The following DHX32 variants were observed in gnomAD, a reference collection of about 807,000 sequenced individuals.
DHX32 encodes putative pre-mRNA-splicing factor ATP-dependent RNA helicase DHX32.
Under a neutral mutation model 70.0 loss-of-function variants are expected in DHX32, and 51 were observed. The observed-to-expected ratio is 0.73, with a 90% confidence interval of 0.58 to 0.92. The LOEUF (loss-of-function observed/expected upper bound fraction) is 0.92. Among genes scored for constraint, DHX32 ranks in the 40% least tolerant of loss-of-function variants. The pLI, the probability that DHX32 is intolerant of heterozygous loss-of-function variation, is 0.00. For missense variants in DHX32, 762 were observed against 891.8 expected, an observed-to-expected ratio of 0.85 and a Z score of 1.85; for synonymous variants, 310 against 315.3, an observed-to-expected ratio of 0.98 and a Z score of 0.18.
At chr10:125,873,215 TTC>T (rs1177712791) in intron 1 of DHX32, among the ~76,000 whole-genome samples, 6 of 152,066 alleles carry the variant, frequency 3.9e-5, no homozygotes, top group Non-Finnish European at 7.4e-5. Context: ...GTGTAGAACT[TTC>T]TGTCCTTTCC....
At chr10:125,847,427 T>A (rs2366045) in intron 6 of DHX32, among the ~76,000 whole-genome samples, 149,817 of 152,332 alleles carry the variant, frequency 0.98, 73,687 homozygotes, top group East Asian at 1. Context: ...AACAGAGTGC[T>A]TCCAGAGTGC....
At chr10:125,852,702 G>GA in intron 4 of DHX32, 60 bp from the exon 5 acceptor site, 2 of 1,448,554 alleles carry the variant, frequency 1.4e-6, no homozygotes, top group Non-Finnish European at 1.9e-6. Flanking sequence ...TAGGCTCACT[G>GA]ATCCTGAAGA....
intron 6 of DHX32, among the ~76,000 whole-genome samples, chr10:125,847,664 T>C (rs575969908): frequency 1.3e-5 from 2 of 152,318 alleles, no homozygotes; most frequent in East Asian, 3.9e-4. Flanking sequence ...TTTTTATTAT[T>C]ATTACATTGT....
Position 125,842,758 on chromosome 10 carries a change from C to A in DHX32, c.1352-824G>T, listed in dbSNP as rs1854916622. On this transcript the variant is annotated intron_variant, in intron 6 of 10. Coordinates refer to ENST00000284690, the MANE Select transcript of DHX32 (RefSeq NM_018180.3). The stretch of plus-strand genomic sequence containing the variant: ...GATCTCAGATGCTAGAAATAGTAGA[C>A]AAAGATGTTATTTCCCAGTGCAAAT... 3 of 904,010 alleles carry A rather than the reference C, an allele frequency of 3.3e-6. No homozygotes were observed. The South Asian group carries it at 1.5e-4, about 46-fold the overall frequency. The allele number at this position is 904,010 out of a possible 1,614,324, so 56.0% of individuals were successfully genotyped here.
chr10:125,848,512 T>G (rs1316453942), intron 6 of DHX32, among the ~76,000 whole-genome samples: 1 of 152,188 alleles, frequency 6.6e-6, no homozygotes, highest in Non-Finnish European at 1.5e-5. Context: ...GTTTTGAACT[T>G]GGGCCTTCCA....
chr10:125,867,655 G>A (rs926623743), intron 1 of DHX32, among the ~76,000 whole-genome samples: 4 of 149,474 alleles, frequency 2.7e-5, no homozygotes, highest in Non-Finnish European at 5.9e-5. Context: ...AGAATGGCGT[G>A]AACCCGGGAG....
chr10:125,859,032 T>G (rs1453897674), intron 3 of DHX32, among the ~76,000 whole-genome samples: 1 of 143,610 alleles, frequency 7.0e-6, no homozygotes, highest in African/African-American at 2.7e-5. Context: ...TTTTTTTTTT[T>G]GTTTGTTTGT....
intron 1 of DHX32, among the ~76,000 whole-genome samples, chr10:125,880,183 A>G (rs1404321034): frequency 6.6e-6 from 1 of 152,226 alleles, no homozygotes; most frequent in African/African-American, 2.4e-5. Flanking sequence ...GAAACAGAGC[A>G]GTTAATCCCC....
chr10:125,846,123 G>A (rs1944014678), intron 6 of DHX32, among the ~76,000 whole-genome samples: 1 of 152,162 alleles, frequency 6.6e-6, no homozygotes. Flanking sequence ...TATTCCTCAA[G>A]CGTAAGGGCA....
exon 1 of DHX32, chr10:125,896,256 G>C (rs1443687816): frequency 4.4e-5 from 7 of 157,878 alleles, no homozygotes; most frequent in African/African-American, 1.7e-4. Flanking sequence ...GGGCGGCCCA[G>C]GGCCGGCGCC....
chr10:125,838,941 A>G, intron 9 of DHX32, 60 bp downstream of exon 9: 1 of 1,510,190 alleles, frequency 6.6e-7, no homozygotes. Flanking sequence ...TGTTGGCAGC[A>G]TATCCTGAGT....
chr10:125,878,174 G>A (rs898021374), intron 1 of DHX32, among the ~76,000 whole-genome samples: 1 of 152,182 alleles, frequency 6.6e-6, no homozygotes, highest in Non-Finnish European at 1.5e-5. Flanking sequence ...TATGACTGAA[G>A]GAGACCAGAA....
intron 1 of DHX32, among the ~76,000 whole-genome samples, chr10:125,895,160 G>T: frequency 6.6e-6 from 1 of 152,268 alleles, no homozygotes. Flanking sequence ...TATAATAAAT[G>T]TCAGTTTCCA....
At chr10:125,890,211 T>C (rs1206795874) in intron 1 of DHX32, among the ~76,000 whole-genome samples, 4 of 152,148 alleles carry the variant, frequency 2.6e-5, no homozygotes, top group African/African-American at 9.7e-5. Context: ...ATCTTTTTTA[T>C]AGATTTGAAA....
Position 125,836,629 on chromosome 10 carries a change from G to A in DHX32, c.*58C>T. 3.8e-6 allele frequency: 6 copies of A among 1,579,638 alleles called. No individual in the cohort carries two copies. Among genetic ancestry groups the A allele is most frequent in the South Asian group, 1.2e-5 (1 of 85,646 alleles). ...TCGCGTCATGTATCTCCCATATCCAGCAGTTCAGCCATCCAGCTACCTTTG... is the reference window on the plus strand; with the variant it reads ...TCGCGTCATGTATCTCCCATATCCAACAGTTCAGCCATCCAGCTACCTTTG... On this transcript the variant is annotated 3_prime_UTR_variant, in exon 11 of 11. Coordinates refer to ENST00000284690, the MANE Select transcript of DHX32 (RefSeq NM_018180.3).
upstream of DHX32, among the ~76,000 whole-genome samples, chr10:125,884,637 T>TA (rs1944333279): frequency 6.6e-6 from 1 of 152,254 alleles, no homozygotes; most frequent in South Asian, 2.1e-4. Flanking sequence ...AGCTATGTCT[T>TA]AGTCATTTAT....
At chr10:125,873,568 C>T (rs915000997) in intron 1 of DHX32, among the ~76,000 whole-genome samples, 1 of 152,132 alleles carries the variant, frequency 6.6e-6, no homozygotes, top group Non-Finnish European at 1.5e-5. Context: ...TAAAGAACCA[C>T]CAATTCACCC....
At chr10:125,841,450 C>G in intron 7 of DHX32, 9 of 1,541,452 alleles carry the variant, frequency 5.8e-6, no homozygotes, top group Non-Finnish European at 7.9e-6. Context: ...TCTAGTGACA[C>G]ATTTTCTTCA....
At chr10:125,895,781 T>A (rs1335118702) in intron 1 of DHX32, among the ~76,000 whole-genome samples, 7 of 152,166 alleles carry the variant, frequency 4.6e-5, no homozygotes, top group African/African-American at 1.7e-4. Context: ...CCGGGCCCCC[T>A]GCCTGAAATG....
Sources: allele counts gnomAD v4.1 joint callset (sites outside exome capture counted in the v4.1 genomes callset), GRCh38; gene constraint gnomAD v4.1.1; transcripts MANE v1.5; gene names NCBI Gene and HGNC (gene_info 2026-07-23, HGNC 2026-07-21).